CCDC61: variants seen among roughly 807,000 people sequenced by gnomAD.
CCDC61 encodes coiled-coil domain containing 61, also known as centrosomal protein CCDC61.
In CCDC61, 55 loss-of-function variants were observed where a neutral mutation model predicts 63.0. That is an observed-to-expected ratio of 0.87 (90% CI 0.70 to 1.09). The LOEUF is 1.09. Among genes scored for constraint, CCDC61 ranks in the 50% least tolerant of loss-of-function variants. CCDC61 has a pLI of 0.00. For missense variants in CCDC61, 651 were observed against 731.4 expected (o/e 0.89, Z 1.27); for synonymous variants, 270 against 317.0 (o/e 0.85, Z 1.58).
intron 1 of CCDC61, chr19:45,996,183 CTA>C (rs1425845164): frequency 6.5e-6 from 1 of 152,714 alleles, no homozygotes; most frequent in East Asian, 1.9e-4. Context: ...TCATCTCTGT[CTA>C]TACCATTGGC....
Position 46,017,287 on chromosome 19 carries a change from T to C in CCDC61, c.1351T>C (p.Trp451Arg). 2 of 1,564,744 alleles carry C rather than the reference T, an allele frequency of 1.3e-6. No individual in the cohort carries two copies. Among genetic ancestry groups the C allele is most frequent in the East Asian group, 2.4e-5 (1 of 42,136 alleles). The change falls in exon 12 of 14, where the codon TGG becomes CGG. Residue 451 changes from tryptophan to arginine, a missense_variant. Trp to Arg is a moderately radical substitution (Grantham distance 101). Coordinates refer to ENST00000595358, the MANE Select transcript of CCDC61 (RefSeq NM_001267723.2). ...TGGGAAGCCTCCCAGCCCAACGCCC[T>C]GGAGTGGGTCCAATATGGTGAGTAG... ...RRGKPPSPTP[W>R]SGSNMKSPPV... is the part of the protein sequence containing the mutation.
At chr19:45,996,840 C>T (rs1192368488) in intron 1 of CCDC61, among the ~76,000 whole-genome samples, 1 of 152,204 alleles carries the variant, frequency 6.6e-6, no homozygotes. Flanking sequence ...CTCAGTTTGT[C>T]TCCTGCTCTT....
intron 1 of CCDC61, 120 bp downstream of exon 1, chr19:45,995,624 T>G: frequency 2.7e-6 from 1 of 367,258 alleles, no homozygotes; most frequent in Non-Finnish European, 5.4e-6. Context: ...CTTGTAGGAA[T>G]CGGGAGGGAG....
chr19:46,015,125 C>A lies in CCDC61; in HGVS notation c.628C>A (p.Arg210Ser). The stretch of plus-strand genomic sequence containing the variant: ...ATCGCGCGAGGAGGCGCTGGCCGGG[C>A]GCGCGGCACGCCAGGAGGCCGAGGC... ...GRSREEALAG[R>S]AARQEAEALR... The change falls in exon 6 of 14, where the codon CGC becomes AGC. Residue 210 changes from arginine to serine, a missense_variant. Arg to Ser is a moderately radical substitution (Grantham distance 110, BLOSUM62 -1). Transcript: ENST00000595358. The surrounding 1 kb of genome is among the most constrained non-coding windows in gnomAD (Gnocchi z 5.3). 7.7e-7 allele frequency: 1 copy of A among 1,296,826 alleles called. No homozygotes were observed. The highest frequency in any genetic ancestry group is 2.3e-5 in the South Asian group (1 of 44,146). 80.3% of individuals were successfully genotyped at this position (1,296,826 alleles called of 1,614,324 possible). A position where few individuals can be genotyped will look rare whatever the true frequency, so the allele number is the denominator to read the frequency against.
At chr19:45,999,099 T>G (rs1383373267) in intron 1 of CCDC61, among the ~76,000 whole-genome samples, 1 of 152,130 alleles carries the variant, frequency 6.6e-6, no homozygotes, top group East Asian at 1.9e-4. Context: ...GAGAGCAGAA[T>G]TTAGGGTGAG....
Position 46,010,295 on chromosome 19 carries a change from G to A in CCDC61, c.551+1994G>A, listed in dbSNP as rs528753482. ...AGTGGAATAGAGTTGAATGCAGGGC[G>A]CCCGGCCACGCAGCCTGGGGTCCTG... On this transcript the variant is annotated intron_variant, in intron 5 of 13. Transcript: ENST00000595358. 1.2e-4 allele frequency among the ~76,000 whole-genome samples: 19 copies of A among 152,332 alleles called. 1 individual carries two copies. The highest frequency in any genetic ancestry group is 3.4e-3 in the Middle Eastern group (1 of 294).
At chr19:46,012,851 A>ATTTT (rs369632790) in intron 5 of CCDC61, among the ~76,000 whole-genome samples, 3 of 142,412 alleles carry the variant, frequency 2.1e-5, no homozygotes, top group African/African-American at 5.2e-5. Context: ...ACTTAATTTA[A>ATTTT]TTTTTTTTTT....
intron 5 of CCDC61, among the ~76,000 whole-genome samples, chr19:46,013,564 T>TG (rs1968868051): frequency 6.6e-6 from 1 of 152,164 alleles, no homozygotes; most frequent in African/African-American, 2.4e-5. Flanking sequence ...AATTGAATTT[T>TG]GAATGAAGTT....
intron 1 of CCDC61, among the ~76,000 whole-genome samples, chr19:45,997,814 G>A (rs1485423691): frequency 6.6e-6 from 1 of 152,028 alleles, no homozygotes; most frequent in Non-Finnish European, 1.5e-5. Context: ...AGCCTCCCAA[G>A]TAGCTGGAAC....
At chr19:46,002,506 T>TCA (rs1968610584) in intron 1 of CCDC61, among the ~76,000 whole-genome samples, 1 of 150,678 alleles carries the variant, frequency 6.6e-6, no homozygotes, top group South Asian at 2.1e-4. Flanking sequence ...AGTGGCAAGA[T>TCA]CACAGCTCAC....
In CCDC61 at chr19:46,016,527, TC is replaced by T; in HGVS notation, c.1091+137del. The T allele has an allele frequency of 7.3e-7, 1 of 1,362,956 alleles. No homozygotes were observed. The highest frequency in any genetic ancestry group is 1.0e-6 in the Non-Finnish European group (1 of 986,552). 84.4% of individuals were successfully genotyped at this position (1,362,956 alleles called of 1,614,324 possible). Reference sequence around the variant, plus strand: ...TTCTCGCCGGATACCCCGCCTGCTCTCCCTTCCGTCCGTCCTACCTCCTCGT... The same window carrying T: ...TTCTCGCCGGATACCCCGCCTGCTCTCCTTCCGTCCGTCCTACCTCCTCGT... On this transcript the variant is annotated intron_variant, in intron 9 of 13. Transcript: ENST00000595358. The surrounding 1 kb of genome is among the most constrained non-coding windows in gnomAD (Gnocchi z 7.2).
chr19:45,995,842 G>T (rs182927701), intron 1 of CCDC61, among the ~76,000 whole-genome samples: 3 of 152,208 alleles, frequency 2.0e-5, no homozygotes, highest in Admixed American at 2.0e-4. Context: ...TTATTACAGC[G>T]CACTATGCTT....
rs374626565 is a variant in CCDC61, at chr19:46,016,426, T to C, written c.1091+33T>C. 2 of 1,608,882 alleles carry C rather than the reference T, an allele frequency of 1.2e-6. No homozygotes were observed. The highest frequency in any genetic ancestry group is 1.7e-6 in the Non-Finnish European group (2 of 1,176,842). On this transcript the variant is annotated intron_variant, in intron 9 of 13. Coordinates refer to ENST00000595358, the MANE Select transcript of CCDC61 (RefSeq NM_001267723.2). This position sits in a 1 kb window ranked among gnomAD's most constrained non-coding sequence, Gnocchi z 7.2. ...CCCCTTCCTCCCTCACCTGCCCCTGTCCCTGGCCCGTGCCCGCTCCCGGGC... is the reference window on the plus strand; with the variant it reads ...CCCCTTCCTCCCTCACCTGCCCCTGCCCCTGGCCCGTGCCCGCTCCCGGGC...
At chr19:46,017,628 G>C (rs1256561040) in intron 12 of CCDC61, among the ~76,000 whole-genome samples, 1 of 152,124 alleles carries the variant, frequency 6.6e-6, no homozygotes, top group Non-Finnish European at 1.5e-5. Context: ...TGGAACTCCT[G>C]GCCTCAAGCC....
chr19:46,009,837 T>TGTGTGTGTGTGTGC (rs1272891549), intron 5 of CCDC61, among the ~76,000 whole-genome samples: 5 of 151,348 alleles, frequency 3.3e-5, no homozygotes, highest in African/African-American at 1.2e-4. Context: ...TGTGTGTGTG[T>TGTGTGTGTGTGTGC]GCGCGCGCGT....
At chr19:46,003,601 C>G (rs777344417) in intron 3 of CCDC61, 100 bp downstream of exon 3, 2 of 725,404 alleles carry the variant, frequency 2.8e-6, no homozygotes, top group Non-Finnish European at 4.6e-6. Context: ...CCTCTACCTT[C>G]TCTTTCATTG....
chr19:46,003,488 C>T lies in CCDC61; in HGVS notation c.218C>T (p.Ser73Leu), dbSNP rs1968632589. ...AACATCTTCTGTCATATGCTGGAGTCAGCCCTCACTCAGGTAGGGCCCGGG... is the reference window on the plus strand; with the variant it reads ...AACATCTTCTGTCATATGCTGGAGTTAGCCCTCACTCAGGTAGGGCCCGGG... ...QFNIFCHMLE[S>L]ALTQSSESVT... The change falls in exon 3 of 14, where the codon TCA becomes TTA. Residue 73 changes from serine to leucine, a missense_variant. Ser to Leu is a moderately radical substitution (Grantham distance 145, BLOSUM62 -2). Transcript: ENST00000595358. 6.2e-7 allele frequency: 1 copy of T among 1,610,660 alleles called. No homozygotes were observed. The highest frequency in any genetic ancestry group is 1.3e-5 in the African/African-American group (1 of 74,770).
chr19:46,003,641 G>A, intron 3 of CCDC61, 140 bp downstream of exon 3: 1 of 561,030 alleles, frequency 1.8e-6, no homozygotes, highest in African/African-American at 1.9e-5. Context: ...TTCTTCTTTT[G>A]CCAAGTGTAA....
chr19:46,010,790 G>T (rs1394451171), intron 5 of CCDC61, among the ~76,000 whole-genome samples: 2 of 152,150 alleles, frequency 1.3e-5, no homozygotes, highest in Non-Finnish European at 2.9e-5. Flanking sequence ...GCCACCCCCT[G>T]CCCTGTAGCA....
Sources: allele counts gnomAD v4.1 joint callset (sites outside exome capture counted in the v4.1 genomes callset), GRCh38; gene constraint gnomAD v4.1.1; non-coding constraint Gnocchi (gnomAD v3.1); transcripts MANE v1.5; gene names NCBI Gene and HGNC (gene_info 2026-07-23, HGNC 2026-07-21).